Variants in IGF1R observed in about 807,000 individuals in gnomAD.
The protein encoded by IGF1R is insulin like growth factor 1 receptor.
In IGF1R, 44 loss-of-function variants were observed where a neutral mutation model predicts 144.6. That is an observed-to-expected ratio of 0.30 (90% CI 0.24 to 0.39). The LOEUF is 0.39. Ranked by LOEUF, IGF1R falls within the 10% of genes least tolerant of loss-of-function variation. The pLI is 1.00. For synonymous variants in IGF1R, 795 were observed against 722.8 expected, an observed-to-expected ratio of 1.10 and a Z score of -1.60; for missense variants, 1,355 against 1,833.7, an observed-to-expected ratio of 0.74 and a Z score of 4.77.
rs72754807 is a variant in IGF1R, at chr15:98,963,511, G to A, written c.*6069G>A. On this transcript the variant is annotated 3_prime_UTR_variant, in exon 21 of 21. Coordinates refer to ENST00000650285, the MANE Select transcript of IGF1R (RefSeq NM_000875.5). ...TGGCCATGGAAACAGCCGAGGTGTT[G>A]GAGCCCAGCAGTGCATGGCACCGTT... 7,023 of 233,284 alleles carry A rather than the reference G, an allele frequency of 0.03. 108 individuals carry two copies. Among genetic ancestry groups the A allele is most frequent in the Non-Finnish European group, 0.034 (4,001 of 118,046 alleles). 14.5% of individuals were successfully genotyped at this position (233,284 alleles called of 1,614,324 possible).
At position 98,780,574 on chromosome 15, in the gene IGF1R, AAG is replaced by A. The variant is rs75831201; in HGVS notation, c.640+72478_640+72479del. 2.5e-3 allele frequency among the ~76,000 whole-genome samples: 27 copies of A among 10,764 alleles called. 2 individuals carry two copies. The highest frequency in any genetic ancestry group is 4.0e-3 in the African/African-American group (27 of 6,812). 7.1% of individuals were successfully genotyped at this position (10,764 alleles called of 152,430 possible). The stretch of plus-strand genomic sequence containing the variant: ...CAAAAAAAAAAAAAAAAAAAAAAAA[AAG>A]AGAGAGAGAGTAAATAAAATTGTAA... On this transcript the variant is annotated intron_variant, in intron 2 of 20. Coordinates refer to ENST00000650285, the MANE Select transcript of IGF1R (RefSeq NM_000875.5).
intron 1 of IGF1R, among the ~76,000 whole-genome samples, chr15:98,682,185 G>C (rs1291296647): frequency 6.6e-6 from 1 of 152,110 alleles, no homozygotes; most frequent in Non-Finnish European, 1.5e-5. Context: ...AAATGATTTT[G>C]AGTAACTTCC....
chr15:98,862,042 A>G (rs1235403438), intron 2 of IGF1R, among the ~76,000 whole-genome samples: 1 of 147,414 alleles, frequency 6.8e-6, no homozygotes, highest in Non-Finnish European at 1.5e-5. Context: ...TTTGGGTGAA[A>G]CCCTGACAAA....
At chr15:98,668,457 T>C (rs28657794) in intron 1 of IGF1R, among the ~76,000 whole-genome samples, 2,075 of 152,328 alleles carry the variant, frequency 0.014, 49 homozygotes, top group African/African-American at 0.046. Flanking sequence ...TGAAAGTACA[T>C]GTCTTCAGGA....
intron 18 of IGF1R, among the ~76,000 whole-genome samples, chr15:98,941,892 GT>G (rs2016379469): frequency 6.6e-6 from 1 of 152,190 alleles, no homozygotes; most frequent in African/African-American, 2.4e-5. Flanking sequence ...TTAAGAAAAG[GT>G]TGTATGATTG....
chr15:98,685,873 G>A (rs960987769), intron 1 of IGF1R, among the ~76,000 whole-genome samples: 14 of 152,184 alleles, frequency 9.2e-5, no homozygotes, highest in Non-Finnish European at 1.5e-4. Flanking sequence ...ACTTTAAAGG[G>A]TGGTGTCAGA....
At chr15:98,726,259 C>A (rs2054357221) in intron 2 of IGF1R, among the ~76,000 whole-genome samples, 1 of 152,202 alleles carries the variant, frequency 6.6e-6, no homozygotes, top group Non-Finnish European at 1.5e-5. Context: ...TCCAGACCTG[C>A]TTTCCTATGA....
rs1444876178 is a variant in IGF1R, at chr15:98,845,874, A to T, written c.641-45451A>T. Among the ~76,000 whole-genome samples, 4 of 152,138 alleles carry T rather than the reference A, an allele frequency of 2.6e-5. No homozygotes were observed. In the East Asian group the frequency reaches 7.7e-4, roughly 29 times the overall value. On this transcript the variant is annotated intron_variant, in intron 2 of 20. Coordinates refer to ENST00000650285, the MANE Select transcript of IGF1R (RefSeq NM_000875.5). ...TGAATCTTAAAGGTGCCCTAACTAAAATTTTTGTGCTATAAAATTGGCAGC... is the reference window on the plus strand; with the variant it reads ...TGAATCTTAAAGGTGCCCTAACTAATATTTTTGTGCTATAAAATTGGCAGC...
intron 2 of IGF1R, among the ~76,000 whole-genome samples, chr15:98,825,327 T>C (rs1400890855): frequency 6.6e-6 from 1 of 152,214 alleles, no homozygotes. Context: ...AAGTCCCTTT[T>C]ATAAAATGGT....
intron 3 of IGF1R, chr15:98,893,406 C>T (rs1225833467): frequency 6.6e-6 from 1 of 152,216 alleles, no homozygotes; most frequent in Non-Finnish European, 1.5e-5. Context: ...AGGCCAAGGA[C>T]TTCAATGAGC....
intron 2 of IGF1R, among the ~76,000 whole-genome samples, chr15:98,886,233 G>A (rs4966035): frequency 0.36 from 54,236 of 151,930 alleles, 10,012 homozygotes; most frequent in East Asian, 0.56. Context: ...TGATACATTC[G>A]AGGACTCTGG....
intron 1 of IGF1R, among the ~76,000 whole-genome samples, chr15:98,695,068 T>C (rs1231491334): frequency 1.3e-5 from 2 of 152,226 alleles, no homozygotes; most frequent in African/African-American, 4.8e-5. Flanking sequence ...TTTCTGTCTT[T>C]ATTTTTTTTC....
At chr15:98,756,126 G>GT (rs541001140) in intron 2 of IGF1R, among the ~76,000 whole-genome samples, 3 of 151,906 alleles carry the variant, frequency 2.0e-5, no homozygotes, top group East Asian at 3.9e-4. Flanking sequence ...GGGGTCTTTA[G>GT]TTTTTTTCCT....
At chr15:98,806,496 A>G (rs991413927) in intron 2 of IGF1R, among the ~76,000 whole-genome samples, 1 of 152,160 alleles carries the variant, frequency 6.6e-6, no homozygotes, top group African/African-American at 2.4e-5. Flanking sequence ...ATTAAAAAAA[A>G]AAAACAAAAA....
At chr15:98,747,914 A>G (rs751507250) in intron 2 of IGF1R, among the ~76,000 whole-genome samples, 56 of 152,172 alleles carry the variant, frequency 3.7e-4, no homozygotes, top group Non-Finnish European at 6.5e-4. Context: ...TAAGTAGCCA[A>G]CTGATTTACA....
At chr15:98,921,527 C>A (rs1320463191) in intron 10 of IGF1R, among the ~76,000 whole-genome samples, 1 of 152,102 alleles carries the variant, frequency 6.6e-6, no homozygotes, top group Non-Finnish European at 1.5e-5. Flanking sequence ...GCTCCAGGGA[C>A]CTGCAGAGTG....
chr15:98,829,107 T>A (rs2056954306), intron 2 of IGF1R, among the ~76,000 whole-genome samples: 1 of 152,138 alleles, frequency 6.6e-6, no homozygotes, highest in African/African-American at 2.4e-5. Flanking sequence ...AATTTAAAAA[T>A]AACCGCCAAT....
intron 2 of IGF1R, among the ~76,000 whole-genome samples, chr15:98,742,668 A>G (rs1448601876): frequency 6.6e-6 from 1 of 152,244 alleles, no homozygotes; most frequent in African/African-American, 2.4e-5. Context: ...TTTAAAAACC[A>G]AAAAGTAGTA....
In IGF1R at chr15:98,648,949, G is replaced by C. The variant is rs111811434; in HGVS notation, c.-633G>C. On this transcript the variant is annotated 5_prime_UTR_variant, in exon 1 of 21. Coordinates refer to ENST00000650285, the MANE Select transcript of IGF1R (RefSeq NM_000875.5). ...CTGAGCGCGGCGCGGCCGGCCCGCC[G>C]CTTTGTGTGTGTCCTGGATTTGGGA... 1 of 192,410 alleles carries C rather than the reference G, an allele frequency of 5.2e-6. No homozygotes were observed. Among genetic ancestry groups the C allele is most frequent in the South Asian group, 1.7e-4 (1 of 5,734 alleles). The allele number at this position is 192,410 out of a possible 1,614,324, so 11.9% of individuals were successfully genotyped here. A position where few individuals can be genotyped will look rare whatever the true frequency, so the allele number is the denominator to read the frequency against.
Sources: gnomAD v4.1 joint callset for allele counts (sites outside exome capture counted in the v4.1 genomes callset) on GRCh38, gnomAD v4.1.1 for gene constraint, MANE v1.5 for transcripts, NCBI Gene and HGNC (gene_info 2026-07-23, HGNC 2026-07-21) for gene names.